KALRN: variants seen among roughly 807,000 people sequenced by gnomAD.
KALRN encodes kalirin.
KALRN carries 70 observed loss-of-function variants against 353.7 expected under a neutral mutation model. The observed-to-expected ratio is 0.20, with a 90% CI of 0.16 to 0.24. KALRN has a LOEUF of 0.24. Ranked by LOEUF, KALRN falls within the 10% of genes least tolerant of loss-of-function variation. KALRN has a pLI of 1.00. For missense variants in KALRN, 2,791 were observed against 3,756.7 expected, an observed-to-expected ratio of 0.74 and a Z score of 6.72; for synonymous variants, 1,391 against 1,434.8, an observed-to-expected ratio of 0.97 and a Z score of 0.69.
chr3:124,417,304 T>C (rs997201225), intron 14 of KALRN, among the ~76,000 whole-genome samples: 15 of 152,226 alleles, frequency 9.9e-5, no homozygotes, highest in Non-Finnish European at 1.6e-4. Context: ...GTGGCACGCC[T>C]TGATTCCTAA....
At chr3:124,479,672 A>G (rs987289786) in intron 27 of KALRN, among the ~76,000 whole-genome samples, 2 of 151,892 alleles carry the variant, frequency 1.3e-5, no homozygotes, top group African/African-American at 4.8e-5. Flanking sequence ...GAGAACACAG[A>G]GAATTAAAGT....
chr3:124,187,136 A>G (rs2074331545), intron 1 of KALRN, among the ~76,000 whole-genome samples: 1 of 152,144 alleles, frequency 6.6e-6, no homozygotes, highest in Admixed American at 6.5e-5. Flanking sequence ...GCTGGAGTGC[A>G]GTGGCTTGAT....
chr3:124,373,280 T>TC (rs1434486310), intron 10 of KALRN, among the ~76,000 whole-genome samples: 3 of 151,946 alleles, frequency 2.0e-5, no homozygotes, highest in Non-Finnish European at 2.9e-5. Context: ...AATTTTTGTC[T>TC]CCCCCCGACT....
intron 13 of KALRN, among the ~76,000 whole-genome samples, chr3:124,406,652 T>G (rs968603646): frequency 2.6e-5 from 4 of 152,260 alleles, no homozygotes; most frequent in Non-Finnish European, 4.4e-5. Context: ...TACTGGTAAT[T>G]GGAATGAGAT....
At chr3:124,595,834 C>T (rs887191091) in intron 34 of KALRN, among the ~76,000 whole-genome samples, 2 of 152,114 alleles carry the variant, frequency 1.3e-5, no homozygotes, top group Admixed American at 6.5e-5. Flanking sequence ...TAAGGAAATA[C>T]CCTGGCTGAG....
chr3:124,576,206 T>C (rs2074075790), intron 34 of KALRN, among the ~76,000 whole-genome samples: 1 of 151,988 alleles, frequency 6.6e-6, no homozygotes, highest in Admixed American at 6.6e-5. Context: ...TCTGTTTTAC[T>C]TTTCTTCATT....
intron 1 of KALRN, among the ~76,000 whole-genome samples, chr3:124,211,315 A>G (rs1021866047): frequency 1.8e-4 from 28 of 152,244 alleles, no homozygotes; most frequent in African/African-American, 6.8e-4. Flanking sequence ...GTGGACATTG[A>G]TGAACCTTCC....
intron 1 of KALRN, among the ~76,000 whole-genome samples, chr3:124,128,302 A>G (rs1020718140): frequency 9.2e-5 from 14 of 152,204 alleles, no homozygotes; most frequent in Admixed American, 7.2e-4. Context: ...GATGCTTTCA[A>G]CCAGTGTTAT....
intron 34 of KALRN, chr3:124,584,642 C>A: frequency 7.1e-7 from 1 of 1,411,362 alleles, no homozygotes; most frequent in Non-Finnish European, 9.2e-7. Context: ...GGCCCCTCCC[C>A]GCTTCCCAAG....
intron 25 of KALRN, among the ~76,000 whole-genome samples, chr3:124,471,256 TTTATTATTATTATTATTATTATTA>T (rs139584790): frequency 5.9e-4 from 82 of 138,810 alleles, no homozygotes; most frequent in African/African-American, 2.2e-3. Flanking sequence ...CCCACAAAGT[TTTATTATTATTATTATTATTATTA>T]TTATTATTAT....
At chr3:124,306,537 C>G (rs1451607951) in intron 6 of KALRN, among the ~76,000 whole-genome samples, 1 of 151,150 alleles carries the variant, frequency 6.6e-6, no homozygotes, top group Non-Finnish European at 1.5e-5. Context: ...ATGGCAGTAC[C>G]AAAAGGAGAG....
chr3:124,456,551 C>T, intron 22 of KALRN, 59 bp from the exon 23 acceptor site: 1 of 1,230,006 alleles, frequency 8.1e-7, no homozygotes, highest in Non-Finnish European at 1.2e-6. Context: ...TCCCTCAACT[C>T]CAGTGAGTTG....
intron 34 of KALRN, among the ~76,000 whole-genome samples, chr3:124,566,346 T>A (rs891396499): frequency 2.6e-5 from 4 of 151,782 alleles, no homozygotes; most frequent in African/African-American, 9.7e-5. Context: ...ACAAAAAAAA[T>A]TTAAAAATTA....
At chr3:124,133,148 T>A (rs952533684) in intron 1 of KALRN, 1 of 152,156 alleles carries the variant, frequency 6.6e-6, no homozygotes, top group African/African-American at 2.4e-5. Flanking sequence ...ATTTTTTAAA[T>A]TTAAAAATTA....
intron 34 of KALRN, among the ~76,000 whole-genome samples, chr3:124,585,989 C>G (rs2075139549): frequency 6.6e-6 from 1 of 152,160 alleles, no homozygotes; most frequent in Non-Finnish European, 1.5e-5. Flanking sequence ...AATTTTCTAT[C>G]CTGAGCAGAT....
At chr3:124,242,236 A>G (rs1030322836) in intron 3 of KALRN, among the ~76,000 whole-genome samples, 1 of 152,242 alleles carries the variant, frequency 6.6e-6, no homozygotes, top group African/African-American at 2.4e-5. Context: ...AGTAACAACT[A>G]GCATTTATTA....
At position 124,723,318 on chromosome 3, in the gene KALRN, T is replaced by G. The variant is rs2063381857; in HGVS notation, c.*3848T>G. The G allele has an allele frequency of 6.6e-6, 1 of 152,222 alleles. No individual in the cohort carries two copies. Among genetic ancestry groups the G allele is most frequent in the South Asian group, 2.1e-4 (1 of 4,828 alleles). 9.4% of individuals were successfully genotyped at this position (152,222 alleles called of 1,614,324 possible). On this transcript the variant is annotated 3_prime_UTR_variant, in exon 60 of 60. Transcript: ENST00000682506. The stretch of plus-strand genomic sequence containing the variant: ...GGGGTGGGACCAGGAATGTTTGAGT[T>G]TCAATCTCAGCTATTCCTGATTCAT...
intron 3 of KALRN, among the ~76,000 whole-genome samples, chr3:124,237,945 C>T (rs1334863838): frequency 6.6e-6 from 1 of 152,108 alleles, no homozygotes; most frequent in Non-Finnish European, 1.5e-5. Flanking sequence ...TTTAAGGAAC[C>T]AGCAAACTTA....
chr3:124,607,368 C>T (rs893800578), intron 34 of KALRN, among the ~76,000 whole-genome samples: 5 of 152,094 alleles, frequency 3.3e-5, no homozygotes, highest in Non-Finnish European at 7.4e-5. Context: ...TGAAAATGAG[C>T]CAAGATATAT....
Sources: gnomAD v4.1 joint callset for allele counts (sites outside exome capture counted in the v4.1 genomes callset) on GRCh38, gnomAD v4.1.1 for gene constraint, MANE v1.5 for transcripts, NCBI Gene and HGNC (gene_info 2026-07-23, HGNC 2026-07-21) for gene names.